The following NEK6 variants were observed in gnomAD, a reference collection of about 807,000 sequenced individuals.
NEK6 encodes the protein serine/threonine-protein kinase Nek6.
In NEK6, 27 loss-of-function variants were observed where a neutral mutation model predicts 43.5. The ratio of observed to expected loss-of-function variants is 0.62; its 90% CI spans 0.46 to 0.86. The LOEUF is 0.86. Ranked by LOEUF, NEK6 falls within the 40% of genes least tolerant of loss-of-function variation. NEK6 has a pLI of 0.00. For synonymous variants in NEK6, 167 were observed against 164.1 expected, an observed-to-expected ratio of 1.02 and a Z score of -0.14; for missense variants, 318 against 414.4, an observed-to-expected ratio of 0.77 and a Z score of 2.02.
At chr9:124,260,082 G>A (rs1387234123) in intron 1 of NEK6, among the ~76,000 whole-genome samples, 2 of 152,006 alleles carry the variant, frequency 1.3e-5, no homozygotes, top group Non-Finnish European at 2.9e-5. Context: ...TTGTGCACAA[G>A]GAAACTGAGG....
At chr9:124,267,115 A>T (rs1454699617) in intron 1 of NEK6, among the ~76,000 whole-genome samples, 2 of 152,240 alleles carry the variant, frequency 1.3e-5, no homozygotes, top group Admixed American at 1.3e-4. Context: ...GGTTGCTTTG[A>T]GGAAAGGCTA....
chr9:124,351,001 C>G lies in NEK6; in HGVS notation c.*54C>G. On this transcript the variant is annotated 3_prime_UTR_variant, in exon 10 of 10. Coordinates refer to ENST00000320246, the MANE Select transcript of NEK6 (RefSeq NM_014397.6). Reference sequence around the variant, plus strand: ...CAGCACCACTTTGCCTTACTTGAGTCGTCTTCTCTTCGAGTGGCCACCTGG... The same window carrying G: ...CAGCACCACTTTGCCTTACTTGAGTGGTCTTCTCTTCGAGTGGCCACCTGG... The G allele has an allele frequency of 7.5e-7, 1 of 1,333,594 alleles. No homozygotes were observed. Among genetic ancestry groups the G allele is most frequent in the Non-Finnish European group, 1.1e-6 (1 of 942,158 alleles). The allele number at this position is 1,333,594 out of a possible 1,614,324, so 82.6% of individuals were successfully genotyped here.
intron 1 of NEK6, among the ~76,000 whole-genome samples, chr9:124,279,803 G>A (rs181071625): frequency 2.0e-5 from 3 of 152,302 alleles, no homozygotes; most frequent in Admixed American, 6.5e-5. Flanking sequence ...GGCACGTATC[G>A]CTGTCTGAAA....
In NEK6 at chr9:124,326,598, C is replaced by T. The variant is rs961881447; in HGVS notation, c.514+160C>T. Reference sequence around the variant, plus strand: ...TGCCCAGCAACCGCGCACACACACGCGCCCGGGTCAGGAACCTCCCCGAGG... The same window carrying T: ...TGCCCAGCAACCGCGCACACACACGTGCCCGGGTCAGGAACCTCCCCGAGG... On this transcript the variant is annotated intron_variant, in intron 6 of 9. Transcript: ENST00000320246. This position sits in a 1 kb window ranked among gnomAD's most constrained non-coding sequence, Gnocchi z 4.5. 6.6e-6 allele frequency among the ~76,000 whole-genome samples: 1 copy of T among 152,186 alleles called. No homozygotes were observed. Among genetic ancestry groups the T allele is most frequent in the Non-Finnish European group, 1.5e-5 (1 of 68,022 alleles).
intron 8 of NEK6, among the ~76,000 whole-genome samples, chr9:124,346,256 G>A (rs1829918872): frequency 6.6e-6 from 1 of 152,206 alleles, no homozygotes; most frequent in Non-Finnish European, 1.5e-5. Flanking sequence ...GATGGTGCCA[G>A]GCTCTGAAGC....
At chr9:124,284,014 G>A (rs987939758) in intron 1 of NEK6, among the ~76,000 whole-genome samples, 1 of 152,252 alleles carries the variant, frequency 6.6e-6, no homozygotes, top group African/African-American at 2.4e-5. Context: ...CTGGAGGCAT[G>A]TGACGCCTCT....
intron 1 of NEK6, among the ~76,000 whole-genome samples, chr9:124,276,427 G>T (rs1370734167): frequency 6.6e-6 from 1 of 152,172 alleles, no homozygotes; most frequent in Non-Finnish European, 1.5e-5. Flanking sequence ...GGAGCAGGGT[G>T]AGGCCGAGGC....
intron 8 of NEK6, among the ~76,000 whole-genome samples, chr9:124,344,438 C>T (rs1243315762): frequency 6.6e-6 from 1 of 152,246 alleles, no homozygotes. Context: ...CACCACAAAG[C>T]CCCGCACCTG....
Position 124,287,380 on chromosome 9 carries a change from C to T in NEK6, c.-29-14556C>T, listed in dbSNP as rs141795487. Among the ~76,000 whole-genome samples, 51 of 152,320 alleles carry T rather than the reference C, an allele frequency of 3.3e-4. No individual in the cohort carries two copies. The East Asian group carries it at 8.7e-3, about 26-fold the overall frequency. ...CGGGGCCGAGCCCCACCTTGCTACC[C>T]GCTGGTAAGGGGCCTTGGGCAAGTC... is the stretch of plus-strand genomic sequence containing the variant. On this transcript the variant is annotated intron_variant, in intron 1 of 9. Transcript: ENST00000320246.
intron 1 of NEK6, among the ~76,000 whole-genome samples, chr9:124,282,774 T>G (rs746557188): frequency 1.6e-4 from 24 of 152,132 alleles, no homozygotes; most frequent in Non-Finnish European, 2.9e-4. Context: ...ACGATGTTTT[T>G]TAAAAACAGG....
rs545737784 is a variant in NEK6 at position 124,294,889 on chromosome 9, A to T, written c.-29-7047A>T. Among the ~76,000 whole-genome samples, 4 of 152,312 alleles carry T rather than the reference A, an allele frequency of 2.6e-5. No individual in the cohort carries two copies. The South Asian group carries it at 8.3e-4, about 32-fold the overall frequency. On this transcript the variant is annotated intron_variant, in intron 1 of 9. Transcript: ENST00000320246. ...GGCTGAAGGTAACTGTAGGGACCCA[A>T]TGAGAAGGGACAAGGCCAGCACAGA...
chr9:124,297,570 T>G (rs527786457), intron 1 of NEK6, among the ~76,000 whole-genome samples: 71 of 152,284 alleles, frequency 4.7e-4, no homozygotes, highest in African/African-American at 1.6e-3. Context: ...CTGGGAAGCC[T>G]CACTGTGCAG....
intron 9 of NEK6, among the ~76,000 whole-genome samples, chr9:124,348,670 G>T (rs960201373): frequency 2.2e-4 from 34 of 152,210 alleles, no homozygotes; most frequent in African/African-American, 8.0e-4. Flanking sequence ...CATCCAAAGT[G>T]GCCAATGGAT....
intron 1 of NEK6, chr9:124,261,692 G>GT: frequency 1.5e-6 from 1 of 665,858 alleles, no homozygotes; most frequent in Non-Finnish European, 1.9e-6. Flanking sequence ...AATGTTGTGT[G>GT]TGAGGACCTG....
At chr9:124,308,026 C>T (rs1485078151) in intron 2 of NEK6, among the ~76,000 whole-genome samples, 1 of 152,210 alleles carries the variant, frequency 6.6e-6, no homozygotes, top group Non-Finnish European at 1.5e-5. Context: ...ATGACATGTC[C>T]CAGCACCTAG....
At chr9:124,335,782 C>A (rs953683342) in intron 7 of NEK6, among the ~76,000 whole-genome samples, 2 of 152,244 alleles carry the variant, frequency 1.3e-5, no homozygotes, top group Admixed American at 1.3e-4. Context: ...TCTCCAAAAA[C>A]TGCGAGGTAG....
chr9:124,259,482 T>C (rs972619488), intron 1 of NEK6: 5 of 152,186 alleles, frequency 3.3e-5, no homozygotes, highest in African/African-American at 1.2e-4. Flanking sequence ...CGTCTTCTTT[T>C]AGCAAACAAA....
At chr9:124,292,438 G>T in intron 1 of NEK6, 1 of 1,536,768 alleles carries the variant, frequency 6.5e-7, no homozygotes, top group Non-Finnish European at 8.7e-7. Flanking sequence ...GCCCCTTCCT[G>T]CCTGTGGGAA....
At chr9:124,313,302 C>T (rs574221713) in intron 3 of NEK6, among the ~76,000 whole-genome samples, 13 of 152,208 alleles carry the variant, frequency 8.5e-5, no homozygotes, top group Non-Finnish European at 1.9e-4. Flanking sequence ...GGAGAGAACA[C>T]CCGCAGCTTC....
Sources: gnomAD v4.1 joint callset for allele counts (sites outside exome capture counted in the v4.1 genomes callset) on GRCh38, gnomAD v4.1.1 for gene constraint, Gnocchi (gnomAD v3.1) non-coding constraint, MANE v1.5 for transcripts, NCBI Gene and HGNC (gene_info 2026-07-23, HGNC 2026-07-21) for gene names.